The following PRKG1 variants were observed in gnomAD, a reference collection of about 807,000 sequenced individuals.
PRKG1 encodes the protein protein kinase cGMP-dependent 1.
Under a neutral mutation model 88.1 loss-of-function variants are expected in PRKG1, and 35 were observed. The observed-to-expected ratio is 0.40, with a 90% CI of 0.30 to 0.53. The LOEUF is 0.53. Among genes scored for constraint, PRKG1 ranks in the 20% least tolerant of loss-of-function variants. The pLI, the probability that PRKG1 is intolerant of heterozygous loss-of-function variation, is 0.59. For synonymous variants in PRKG1, 303 were observed against 292.5 expected, an observed-to-expected ratio of 1.04 and a Z score of -0.37; for missense variants, 540 against 839.8, an observed-to-expected ratio of 0.64 and a Z score of 4.41.
At chr10:52,098,058 A>G (rs1847213393) in intron 7 of PRKG1, among the ~76,000 whole-genome samples, 1 of 152,176 alleles carries the variant, frequency 6.6e-6, no homozygotes, top group African/African-American at 2.4e-5. Context: ...GAAAAAATTT[A>G]GTTGAGAAAA....
chr10:51,036,977 C>T (rs1843361027), intron 1 of PRKG1, among the ~76,000 whole-genome samples: 1 of 152,140 alleles, frequency 6.6e-6, no homozygotes, highest in Non-Finnish European at 1.5e-5. Context: ...TGACATACAG[C>T]TAATGTTAAC....
intron 2 of PRKG1, among the ~76,000 whole-genome samples, chr10:51,392,859 C>A (rs1837455155): frequency 6.9e-6 from 1 of 145,148 alleles, no homozygotes; most frequent in Non-Finnish European, 1.5e-5. Context: ...GGGCTGGGGG[C>A]TGACCCCCCC....
intron 3 of PRKG1, among the ~76,000 whole-genome samples, chr10:51,475,001 AG>A (rs1840152297): frequency 6.6e-6 from 1 of 151,974 alleles, no homozygotes; most frequent in Non-Finnish European, 1.5e-5. Context: ...ACCTCAATCT[AG>A]TAGATGAAAG....
intron 5 of PRKG1, among the ~76,000 whole-genome samples, chr10:51,955,102 G>T (rs1313711361): frequency 6.6e-6 from 1 of 152,034 alleles, no homozygotes; most frequent in Non-Finnish European, 1.5e-5. Flanking sequence ...GGCTTTTTAA[G>T]ATTCTTTCTT....
chr10:51,169,835 CTG>C (rs1174551958), intron 2 of PRKG1, among the ~76,000 whole-genome samples: 2 of 152,078 alleles, frequency 1.3e-5, no homozygotes, highest in Non-Finnish European at 2.9e-5. Flanking sequence ...GCATCAAGTC[CTG>C]TGTCTGGCAC....
intron 9 of PRKG1, among the ~76,000 whole-genome samples, chr10:52,194,572 T>A (rs1265650992): frequency 1.3e-5 from 2 of 152,168 alleles, no homozygotes; most frequent in Non-Finnish European, 2.9e-5. Context: ...ACAGCTAATG[T>A]TTTCTCGCTA....
chr10:51,713,365 G>T (rs1379093865), intron 3 of PRKG1, among the ~76,000 whole-genome samples: 3 of 152,202 alleles, frequency 2.0e-5, no homozygotes, highest in Non-Finnish European at 4.4e-5. Context: ...CCAGAGGCCA[G>T]TTGAACAGGT....
At chr10:51,929,914 T>G (rs954119702) in intron 5 of PRKG1, among the ~76,000 whole-genome samples, 9 of 152,184 alleles carry the variant, frequency 5.9e-5, no homozygotes, top group African/African-American at 2.2e-4. Context: ...GGTCTAGGTA[T>G]GAATCTTTGT....
intron 9 of PRKG1, among the ~76,000 whole-genome samples, chr10:52,224,889 G>A (rs553770844): frequency 7.3e-4 from 108 of 148,138 alleles, no homozygotes; most frequent in Admixed American, 5.3e-3. Flanking sequence ...ATTGATTGAT[G>A]GGCATTTGGG....
In PRKG1 at chr10:51,074,538, G is replaced by A. The variant is rs1385266274; in HGVS notation, c.-53G>A. 1.9e-6 allele frequency: 3 copies of A among 1,568,402 alleles called. No homozygotes were observed. Among genetic ancestry groups the A allele is most frequent in the Non-Finnish European group, 2.6e-6 (3 of 1,155,584 alleles). ...GAAAGTTGATCGGAGAGGGGAGGAA[G>A]CCTCAAGACGCGGAGCAGCGGCAGG... is the stretch of plus-strand genomic sequence containing the variant. On this transcript the variant is annotated 5_prime_UTR_variant, in exon 1 of 18. Coordinates refer to ENST00000373980, the MANE Select transcript of PRKG1 (RefSeq NM_006258.4).
intron 2 of PRKG1, among the ~76,000 whole-genome samples, chr10:51,316,110 C>T (rs754944578): frequency 1.3e-5 from 2 of 152,084 alleles, no homozygotes; most frequent in African/African-American, 2.4e-5. Flanking sequence ...CTGTTTTCAA[C>T]AAACTTTTGA....
rs752092723 is a variant in PRKG1 at position 51,074,603 on chromosome 10, C to G, written c.13C>G (p.Arg5Gly). ...AGCCCGGAGGAGCATGGGCACCTTG[C>G]GGGATTTACAGTACGCGCTCCAGGA... Reference protein sequence around the residue: MGTLRDLQYALQEKI... With the variant: MGTLGDLQYALQEKI... The change falls in exon 1 of 18, where the codon CGG (arginine) becomes GGG (glycine). Residue 5 changes from arginine to glycine, a missense_variant. This residue lies in a region of PRKG1 where 15 missense variants were observed against 30.1 expected (regional missense o/e 0.50). Coordinates refer to ENST00000373980, the MANE Select transcript of PRKG1 (RefSeq NM_006258.4). 1 of 1,610,902 alleles carries G rather than the reference C, an allele frequency of 6.2e-7. No homozygotes were observed. Among genetic ancestry groups the G allele is most frequent in the Non-Finnish European group, 8.5e-7 (1 of 1,177,596 alleles).
At chr10:51,973,175 C>T (rs1234058960) in intron 5 of PRKG1, among the ~76,000 whole-genome samples, 1 of 152,134 alleles carries the variant, frequency 6.6e-6, no homozygotes, top group Non-Finnish European at 1.5e-5. Flanking sequence ...CTTGCCATGG[C>T]TTCATTAGCA....
At chr10:52,007,311 C>G (rs1431781226) in intron 5 of PRKG1, among the ~76,000 whole-genome samples, 1 of 152,126 alleles carries the variant, frequency 6.6e-6, no homozygotes, top group Non-Finnish European at 1.5e-5. Flanking sequence ...TAAATGCCCC[C>G]ATTTAAAAGG....
At chr10:52,072,720 C>G (rs1846532543) in intron 7 of PRKG1, among the ~76,000 whole-genome samples, 1 of 152,100 alleles carries the variant, frequency 6.6e-6, no homozygotes, top group African/African-American at 2.4e-5. Context: ...TTTGTTCTAC[C>G]TCTTAAATAA....
At chr10:51,027,508 A>ATTAACTTAACTTTTGTTAACAAAAC (rs1311272299) in intron 1 of PRKG1, among the ~76,000 whole-genome samples, 1 of 152,196 alleles carries the variant, frequency 6.6e-6, no homozygotes, top group Non-Finnish European at 1.5e-5. Context: ...TTTCATCAAC[A>ATTAACTTAACTTTTGTTAACAAAAC]TTAACTTAAG....
intron 2 of PRKG1, among the ~76,000 whole-genome samples, chr10:51,445,467 T>C (rs992604965): frequency 6.6e-6 from 1 of 151,900 alleles, no homozygotes; most frequent in Admixed American, 6.6e-5. Context: ...AAGGAAACCA[T>C]TTTTCCATAC....
intron 3 of PRKG1, among the ~76,000 whole-genome samples, chr10:51,470,437 A>G (rs1840021456): frequency 6.6e-6 from 1 of 151,876 alleles, no homozygotes; most frequent in African/African-American, 2.4e-5. Context: ...TCGGCTTTTG[A>G]CCTCCTTAAC....
At chr10:51,101,427 C>T (rs956023867) in intron 1 of PRKG1, among the ~76,000 whole-genome samples, 16 of 152,062 alleles carry the variant, frequency 1.1e-4, no homozygotes, top group Admixed American at 3.3e-4. Context: ...TTAAGCCAGT[C>T]GGTGTGTGGC....
Sources: allele counts gnomAD v4.1 joint callset (sites outside exome capture counted in the v4.1 genomes callset), GRCh38; gene constraint gnomAD v4.1.1; regional missense constraint gnomAD v4.1.1; transcripts MANE v1.5; gene names NCBI Gene and HGNC (gene_info 2026-07-23, HGNC 2026-07-21).